Variants in ITPR2 observed in about 807,000 individuals in gnomAD.
The protein encoded by ITPR2 is inositol 1,4,5-trisphosphate receptor type 2, also known as inositol 1,4,5-trisphosphate-gated calcium channel ITPR2.
Under a neutral mutation model 317.1 loss-of-function variants are expected in ITPR2, and 207 were observed. The ratio of observed to expected loss-of-function variants is 0.65; its 90% CI spans 0.58 to 0.73. The LOEUF (loss-of-function observed/expected upper bound fraction) is 0.73, where lower values mean the gene tolerates loss of function less well. ITPR2 is among the 30% of genes least tolerant of loss of function. The pLI is 0.00. For synonymous variants in ITPR2, 1,156 were observed against 1,149.1 expected (o/e 1.01, Z -0.12); for missense variants, 2,613 against 3,284.0 (o/e 0.80, Z 4.99).
chr12:26,827,939 G>A (rs1322198175), intron 1 of ITPR2, among the ~76,000 whole-genome samples: 1 of 152,170 alleles, frequency 6.6e-6, no homozygotes, highest in Non-Finnish European at 1.5e-5. Context: ...AAGAAAATGT[G>A]CAATTTGACA....
At chr12:26,577,917 A>C (rs569675477) in intron 34 of ITPR2, among the ~76,000 whole-genome samples, 14 of 152,368 alleles carry the variant, frequency 9.2e-5, no homozygotes, top group African/African-American at 3.4e-4. Flanking sequence ...AAATAATTTA[A>C]AACCTATCTA....
chr12:26,353,165 C>T (rs1055517173), intron 55 of ITPR2, among the ~76,000 whole-genome samples: 2 of 152,204 alleles, frequency 1.3e-5, no homozygotes, highest in Admixed American at 6.5e-5. Context: ...AGCCTCTTTA[C>T]CTTTGAACAT....
chr12:26,810,662 A>T (rs1950719549), intron 1 of ITPR2, among the ~76,000 whole-genome samples: 1 of 152,222 alleles, frequency 6.6e-6, no homozygotes, highest in Non-Finnish European at 1.5e-5. Flanking sequence ...AACAAAAAGG[A>T]TGTGATAGGA....
rs1391608397 is a variant in ITPR2 at position 26,624,351 on chromosome 12, C to T, written c.3070G>A (p.Val1024Ile). Residue 1024 changes from valine to isoleucine, a missense_variant, in exon 24 of 57, where the codon GTT becomes ATT. Around this residue, in one of 9 missense-constraint regions of ITPR2, gnomAD observed 817 missense variants for 897.6 expected, o/e 0.91. Coordinates refer to ENST00000381340, the MANE Select transcript of ITPR2 (RefSeq NM_002223.4). ...SPDTLLPSAI[V>I]PDIDEIAAQA... ...GCTGCAATTTCATCTATATCAGGAACAATAGCTGCAAAGATAAATGGTAAA... is the reference window on the plus strand; with the variant it reads ...GCTGCAATTTCATCTATATCAGGAATAATAGCTGCAAAGATAAATGGTAAA... The T allele has an allele frequency of 1.1e-5, 17 of 1,606,488 alleles. No homozygotes were observed. Among genetic ancestry groups the T allele is most frequent in the Non-Finnish European group, 1.4e-5 (16 of 1,175,052 alleles).
At chr12:26,507,236 T>G (rs1189854341) in intron 37 of ITPR2, among the ~76,000 whole-genome samples, 1 of 152,106 alleles carries the variant, frequency 6.6e-6, no homozygotes. Flanking sequence ...TCCTTTAAAT[T>G]TTCATCAACA....
At chr12:26,742,680 G>A (rs374692715) in intron 2 of ITPR2, among the ~76,000 whole-genome samples, 6 of 152,052 alleles carry the variant, frequency 3.9e-5, no homozygotes, top group Admixed American at 3.3e-4. Context: ...CGGGAGTGGT[G>A]GCGGGTGCCT....
intron 32 of ITPR2, among the ~76,000 whole-genome samples, chr12:26,584,463 C>T (rs1169009579): frequency 1.3e-5 from 2 of 152,146 alleles, no homozygotes; most frequent in African/African-American, 4.8e-5. Context: ...TTTCTAGATA[C>T]AATTGTGTCT....
At chr12:26,387,876 G>A (rs1434737887) in intron 54 of ITPR2, among the ~76,000 whole-genome samples, 1 of 151,994 alleles carries the variant, frequency 6.6e-6, no homozygotes, top group East Asian at 1.9e-4. Context: ...TTTAAATACA[G>A]CCATATCAAA....
At chr12:26,451,315 A>T (rs1192443259) in intron 45 of ITPR2, among the ~76,000 whole-genome samples, 1 of 151,278 alleles carries the variant, frequency 6.6e-6, no homozygotes, top group Non-Finnish European at 1.5e-5. Flanking sequence ...AGACCAAAGG[A>T]CCACAGACCT....
At chr12:26,582,507 T>C (rs1343861193) in intron 32 of ITPR2, among the ~76,000 whole-genome samples, 2 of 152,226 alleles carry the variant, frequency 1.3e-5, no homozygotes, top group Non-Finnish European at 2.9e-5. Flanking sequence ...ATAATTCTAA[T>C]GCACCATCAT....
intron 37 of ITPR2, among the ~76,000 whole-genome samples, chr12:26,518,539 G>A (rs1012041663): frequency 1.3e-5 from 2 of 151,922 alleles, no homozygotes; most frequent in Non-Finnish European, 2.9e-5. Context: ...GGGAAGGGGG[G>A]GCGGGAATAA....
At chr12:26,434,875 C>G (rs1941311332) in intron 48 of ITPR2, among the ~76,000 whole-genome samples, 1 of 152,142 alleles carries the variant, frequency 6.6e-6, no homozygotes, top group Admixed American at 6.5e-5. Context: ...GACTTCTTTC[C>G]TCCCAAGAGT....
chr12:26,451,964 T>TAACA (rs1216832457), intron 45 of ITPR2, among the ~76,000 whole-genome samples: 1 of 152,186 alleles, frequency 6.6e-6, no homozygotes, highest in Non-Finnish European at 1.5e-5. Context: ...TACAGACTGC[T>TAACA]AACACTCATC....
At chr12:26,719,641 T>C (rs1330287092) in intron 5 of ITPR2, among the ~76,000 whole-genome samples, 1 of 152,208 alleles carries the variant, frequency 6.6e-6, no homozygotes, top group Non-Finnish European at 1.5e-5. Context: ...TTAGGGTACA[T>C]GTGCACAACG....
At chr12:26,522,050 G>T (rs2136940658) in intron 37 of ITPR2, among the ~76,000 whole-genome samples, 1 of 152,242 alleles carries the variant, frequency 6.6e-6, no homozygotes, top group East Asian at 1.9e-4. Context: ...AATATTTTAT[G>T]TCTATTCTAG....
rs570301923 is a variant in ITPR2, at chr12:26,772,723, T to C, written c.163+17434A>G. On this transcript the variant is annotated intron_variant, in intron 2 of 56. Transcript: ENST00000381340. Reference sequence around the variant, plus strand: ...ATATTCGATAAATCTGCTAAATGTATCCAATATCTTTTTTTTTCTTTTTCT... The same window carrying C: ...ATATTCGATAAATCTGCTAAATGTACCCAATATCTTTTTTTTTCTTTTTCT... Among the ~76,000 whole-genome samples the C allele has an allele frequency of 7.9e-5, 12 of 151,272 alleles. No individual in the cohort carries two copies. In the East Asian group the frequency reaches 1.9e-3, roughly 24 times the overall value.
chr12:26,467,395 T>A (rs987853210), intron 45 of ITPR2, among the ~76,000 whole-genome samples: 2 of 152,052 alleles, frequency 1.3e-5, no homozygotes, highest in African/African-American at 4.8e-5. Flanking sequence ...CTCTCTCTCC[T>A]GAAAGTTAAG....
chr12:26,349,008 T>C (rs1029648703), intron 55 of ITPR2, among the ~76,000 whole-genome samples: 2 of 152,106 alleles, frequency 1.3e-5, no homozygotes, highest in African/African-American at 2.4e-5. Flanking sequence ...ATTAACTGTG[T>C]GTGGTGGCGC....
Position 26,711,163 on chromosome 12 carries a change from TTA to T in ITPR2, c.951+8_951+9del. 1 of 1,587,926 alleles carries T rather than the reference TTA, an allele frequency of 6.3e-7. No homozygotes were observed. The highest frequency in any genetic ancestry group is 2.2e-5 in the East Asian group (1 of 44,674). On this transcript the variant is annotated splice_region_variant and intron_variant, in intron 9 of 56. Transcript: ENST00000381340. ...CAGAAACTTAATACCACTTTATCCA[TTA>T]GTCTTACCTCTGCAGCTAAATAGTT... is the stretch of plus-strand genomic sequence containing the variant.
Sources: allele counts gnomAD v4.1 joint callset (sites outside exome capture counted in the v4.1 genomes callset), GRCh38; gene constraint gnomAD v4.1.1; regional missense constraint gnomAD v4.1.1; transcripts MANE v1.5; gene names NCBI Gene and HGNC (gene_info 2026-07-23, HGNC 2026-07-21).